Variants in ZNF384 observed in about 807,000 individuals in gnomAD.
ZNF384 encodes CAG repeat protein 1.
ZNF384 carries 20 observed loss-of-function variants against 65.0 expected under a neutral mutation model. The ratio of observed to expected loss-of-function variants is 0.31; its 90% CI spans 0.22 to 0.45. The LOEUF (loss-of-function observed/expected upper bound fraction) is 0.45. ZNF384 is among the 20% of genes least tolerant of loss of function. The probability of loss-of-function intolerance (pLI) is 1.00; values close to 1 mark genes in which losing one functional copy is unlikely to be tolerated. For missense variants in ZNF384, 549 were observed against 769.4 expected, an observed-to-expected ratio of 0.71 and a Z score of 3.39; for synonymous variants, 310 against 303.9, an observed-to-expected ratio of 1.02 and a Z score of -0.21.
chr12:6,681,774 C>T (rs920006068), intron 2 of ZNF384, among the ~76,000 whole-genome samples: 5 of 152,244 alleles, frequency 3.3e-5, no homozygotes, highest in Admixed American at 2.0e-4. Context: ...CCCCAATTTT[C>T]ATAAAATCTA....
In ZNF384 at chr12:6,667,381, A is replaced by C; in HGVS notation, c.*333T>G. The C allele has an allele frequency of 4.2e-6, 2 of 472,610 alleles. No homozygotes were observed. Among genetic ancestry groups the C allele is most frequent in the Non-Finnish European group, 7.8e-6 (2 of 255,784 alleles). 29.3% of individuals were successfully genotyped at this position (472,610 alleles called of 1,614,324 possible). ...CTTTGAGGATAAGGAGGGTAAGGAT[A>C]GGGTAAGTGGCCACACTGGACAAGG... On this transcript the variant is annotated 3_prime_UTR_variant, in exon 12 of 12. Transcript: ENST00000683879.
intron 2 of ZNF384, among the ~76,000 whole-genome samples, chr12:6,680,458 G>A (rs975018863): frequency 6.6e-6 from 1 of 152,016 alleles, no homozygotes; most frequent in African/African-American, 2.4e-5. Context: ...AGACCAGGCT[G>A]ACCAACATGG....
chr12:6,667,860 C>T lies in ZNF384; in HGVS notation c.1681G>A (p.Gly561Ser). Residue 561 changes from glycine (G) to serine (S), a missense_variant, in exon 12 of 12, where the codon GGT becomes AGT. Around this residue, in one of 5 missense-constraint regions of ZNF384, gnomAD observed 136 missense variants for 183.0 expected, o/e 0.74. Coordinates refer to ENST00000683879, the MANE Select transcript of ZNF384 (RefSeq NM_001385745.1). ...GGATTGCTGTCCCCACCACCCCCAC[C>T]CTGGGGGGCTGCCCCAGGAGACTGG... Reference protein sequence around the residue: ...HFQSPGAAPQGGGGGDSNPNP... With the variant: ...HFQSPGAAPQSGGGGDSNPNP... The T allele has an allele frequency of 6.2e-7, 1 of 1,614,146 alleles. No individual in the cohort carries two copies. Among genetic ancestry groups the T allele is most frequent in the Non-Finnish European group, 8.5e-7 (1 of 1,180,012 alleles).
At chr12:6,677,768 G>GA (rs1328636481) in intron 6 of ZNF384, among the ~76,000 whole-genome samples, 2 of 152,194 alleles carry the variant, frequency 1.3e-5, no homozygotes, top group Admixed American at 6.5e-5. Flanking sequence ...AGGTTTCTTA[G>GA]AAAAATAGGA....
chr12:6,667,359 T>G lies in ZNF384; in HGVS notation c.*355A>C. The G allele has an allele frequency of 2.3e-6, 1 of 436,782 alleles. No homozygotes were observed. The highest frequency in any genetic ancestry group is 4.3e-6 in the Non-Finnish European group (1 of 233,930). The allele number at this position is 436,782 out of a possible 1,614,324, so 27.1% of individuals were successfully genotyped here. On this transcript the variant is annotated 3_prime_UTR_variant, in exon 12 of 12. Coordinates refer to ENST00000683879, the MANE Select transcript of ZNF384 (RefSeq NM_001385745.1). ...TCTAGTCTTACATCAGCCCAAACTTTGAGGATAAGGAGGGTAAGGATAGGG... is the reference window on the plus strand; with the variant it reads ...TCTAGTCTTACATCAGCCCAAACTTGGAGGATAAGGAGGGTAAGGATAGGG...
chr12:6,685,314 C>T (rs1219534129), intron 2 of ZNF384, among the ~76,000 whole-genome samples: 1 of 140,322 alleles, frequency 7.1e-6, no homozygotes. Flanking sequence ...AAGAGTGAGA[C>T]CCTGTCTCAA....
intron 2 of ZNF384, among the ~76,000 whole-genome samples, chr12:6,684,834 C>T (rs1183797166): frequency 6.6e-6 from 1 of 152,148 alleles, no homozygotes; most frequent in African/African-American, 2.4e-5. Context: ...ATGTAAATGG[C>T]GCCCCCTAGA....
Position 6,670,909 on chromosome 12 carries a change from C to T in ZNF384, c.1188-71G>A. ...TTTAGGAACTGGCTCAACAAATCTT[C>T]TCCAGGCCCATCCTGCTCTCCTAAG... On this transcript the variant is annotated intron_variant, in intron 9 of 11. Coordinates refer to ENST00000683879, the MANE Select transcript of ZNF384 (RefSeq NM_001385745.1). The T allele has an allele frequency of 2.1e-6, 3 of 1,408,042 alleles. No homozygotes were observed. The South Asian group carries it at 3.5e-5, about 16-fold the overall frequency. 87.2% of individuals were successfully genotyped at this position (1,408,042 alleles called of 1,614,324 possible). A position where few individuals can be genotyped will look rare whatever the true frequency, so the allele number is the denominator to read the frequency against.
At chr12:6,670,636 C>G (rs1951170126) in intron 10 of ZNF384, 124 bp downstream of exon 10, 4 of 893,156 alleles carry the variant, frequency 4.5e-6, no homozygotes, top group Non-Finnish European at 7.1e-6. Flanking sequence ...TAAACAAAAA[C>G]TCTTTGGGTC....
In ZNF384 at chr12:6,673,233, G is replaced by A. The variant is rs1482403150; in HGVS notation, c.987C>T (p.His329=). The change falls in exon 8 of 12, where the codon CAC becomes CAT. Residue 329 remains histidine, a synonymous_variant. Coordinates refer to ENST00000683879, the MANE Select transcript of ZNF384 (RefSeq NM_001385745.1). The surrounding 1 kb of genome is among the most constrained non-coding windows in gnomAD (Gnocchi z 4.7). ...AGCCTTACCGGGTGTGCTGCTGAAG[G>A]TGGGAGAGCTGGCGGAAGGATTTCT... ...FCEKSFRQLS[H]LQQHTRIHSK... is the part of the protein sequence containing the mutation. 4 of 1,614,012 alleles carry A rather than the reference G, an allele frequency of 2.5e-6. No homozygotes were observed. The highest frequency in any genetic ancestry group is 1.6e-4 in the Middle Eastern group (1 of 6,084).
intron 9 of ZNF384, chr12:6,671,549 A>C (rs1010892141): frequency 6.6e-6 from 1 of 152,294 alleles, no homozygotes; most frequent in African/African-American, 2.4e-5. Context: ...TCTCAAAAAC[A>C]TCACAGGACG....
chr12:6,669,942 GCACACA>G (rs144377238), intron 10 of ZNF384, among the ~76,000 whole-genome samples: 8 of 139,154 alleles, frequency 5.7e-5, no homozygotes, highest in East Asian at 3.9e-4. Context: ...ACGCGCGCGC[GCACACA>G]CACACACACA....
rs114255624 is a variant in ZNF384, at chr12:6,673,126, G to T, written c.1004+90C>A. 3.3e-6 allele frequency: 4 copies of T among 1,212,700 alleles called. No homozygotes were observed. The highest frequency in any genetic ancestry group is 2.5e-5 in the East Asian group (1 of 40,040). 75.1% of individuals were successfully genotyped at this position (1,212,700 alleles called of 1,614,324 possible). ...CCAATGGGCAAAGGTGAAAGGGAAA[G>T]AATAATACATGTGGAGAGAGGAGTA... On this transcript the variant is annotated intron_variant, in intron 8 of 11. Coordinates refer to ENST00000683879, the MANE Select transcript of ZNF384 (RefSeq NM_001385745.1). This position sits in a 1 kb window ranked among gnomAD's most constrained non-coding sequence, Gnocchi z 4.7.
At chr12:6,679,578 T>C (rs1304356054) in intron 2 of ZNF384, 53 bp from the exon 3 acceptor site, 3 of 1,453,130 alleles carry the variant, frequency 2.1e-6, no homozygotes, top group Non-Finnish European at 2.9e-6. Context: ...CAGAAAAAGC[T>C]AAGCAATGGA....
chr12:6,677,764 C>T (rs1428312380), intron 6 of ZNF384, among the ~76,000 whole-genome samples: 1 of 152,034 alleles, frequency 6.6e-6, no homozygotes, highest in Non-Finnish European at 1.5e-5. Flanking sequence ...AGAAAGGTTT[C>T]TTAGAAAAAT....
At chr12:6,668,985 ACT>A (rs775175248) in intron 11 of ZNF384, 44 bp downstream of exon 11, 1 of 1,553,818 alleles carries the variant, frequency 6.4e-7, no homozygotes, top group South Asian at 1.2e-5. Context: ...AGTGGACTGT[ACT>A]CTTAGAGGAC....
intron 2 of ZNF384, among the ~76,000 whole-genome samples, chr12:6,683,657 G>A (rs1183329698): frequency 3.4e-5 from 4 of 118,922 alleles, no homozygotes; most frequent in Non-Finnish European, 6.5e-5. Context: ...GCAAGACCCT[G>A]TCTCAAAAAA....
chr12:6,689,169 G>A lies in ZNF384; in HGVS notation c.-137C>T, dbSNP rs1030464209. ...GGAGGGGCGGCGTTTGCTGGGAAAG[G>A]AGGGAGCCGAGGAGGGTGGGAGGAC... On this transcript the variant is annotated 5_prime_UTR_variant, in exon 1 of 12. Coordinates refer to ENST00000683879, the MANE Select transcript of ZNF384 (RefSeq NM_001385745.1). The A allele has an allele frequency of 2.0e-5, 3 of 152,876 alleles. No homozygotes were observed. Among genetic ancestry groups the A allele is most frequent in the East Asian group, 1.9e-4 (1 of 5,190 alleles). The allele number at this position is 152,876 out of a possible 1,614,324, so 9.5% of individuals were successfully genotyped here.
intron 10 of ZNF384, among the ~76,000 whole-genome samples, chr12:6,669,962 AAACAC>A (rs1320625771): frequency 6.6e-6 from 1 of 151,892 alleles, no homozygotes; most frequent in East Asian, 1.9e-4. Context: ...ACACACACAC[AAACAC>A]AAAGATGAAA....
Sources: gnomAD v4.1 joint callset for allele counts (sites outside exome capture counted in the v4.1 genomes callset) on GRCh38, gnomAD v4.1.1 for gene constraint, gnomAD v4.1.1 regional missense constraint, Gnocchi (gnomAD v3.1) non-coding constraint, MANE v1.5 for transcripts, NCBI Gene and HGNC (gene_info 2026-07-23, HGNC 2026-07-21) for gene names.